Variants in PCSK5 observed in about 807,000 individuals in gnomAD.
The protein encoded by PCSK5 is proprotein convertase subtilisin/kexin type 5.
In PCSK5, 129 loss-of-function variants were observed where a neutral mutation model predicts 233.2. The ratio of observed to expected loss-of-function variants is 0.55; its 90% confidence interval spans 0.48 to 0.64. The LOEUF (loss-of-function observed/expected upper bound fraction) is 0.64, where lower values mean the gene tolerates loss of function less well. PCSK5 is among the 30% of genes least tolerant of loss of function. PCSK5 has a pLI of 0.00. For synonymous variants in PCSK5, 825 were observed against 879.2 expected, an observed-to-expected ratio of 0.94 and a Z score of 1.09; for missense variants, 2,076 against 2,430.1, an observed-to-expected ratio of 0.85 and a Z score of 3.06.
chr9:76,002,349 C>T (rs1234402690), intron 3 of PCSK5, among the ~76,000 whole-genome samples: 1 of 152,166 alleles, frequency 6.6e-6, no homozygotes, highest in Non-Finnish European at 1.5e-5. Context: ...TGAGAACAAA[C>T]ATATGTCATA....
intron 24 of PCSK5, among the ~76,000 whole-genome samples, chr9:76,283,394 T>G (rs1159958912): frequency 6.6e-6 from 1 of 152,206 alleles, no homozygotes; most frequent in Admixed American, 6.5e-5. Flanking sequence ...GCCATCAATA[T>G]CGAGGCAAGA....
At chr9:76,017,306 A>G (rs891978878) in intron 3 of PCSK5, among the ~76,000 whole-genome samples, 2 of 152,178 alleles carry the variant, frequency 1.3e-5, no homozygotes, top group Non-Finnish European at 2.9e-5. Flanking sequence ...TCTCCAGACA[A>G]TGAAGAAAAT....
At chr9:76,143,343 C>A (rs989056767) in intron 10 of PCSK5, among the ~76,000 whole-genome samples, 1 of 152,080 alleles carries the variant, frequency 6.6e-6, no homozygotes, top group Non-Finnish European at 1.5e-5. Flanking sequence ...CTACTTGAAT[C>A]CTGCAGTTAG....
At chr9:76,231,682 G>A (rs939526732) in intron 21 of PCSK5, among the ~76,000 whole-genome samples, 1 of 152,162 alleles carries the variant, frequency 6.6e-6, no homozygotes, top group African/African-American at 2.4e-5. Flanking sequence ...TTCTAGCTCA[G>A]TAACTGGTGC....
Position 75,916,775 on chromosome 9 carries a change from A to AT in PCSK5, c.193-15598dup, listed in dbSNP as rs998958564. ...ATAGGCCCTTGGGTCAAATAAAGGC[A>AT]TTTTTTATCTTAATTTAAAAGTAAC... On this transcript the variant is annotated intron_variant, in intron 1 of 37. Transcript: ENST00000674117. Among the ~76,000 whole-genome samples, 226 of 152,246 alleles carry AT rather than the reference A, an allele frequency of 1.5e-3. 2 individuals are homozygous for AT. The highest frequency in any genetic ancestry group is 1.0e-4 in the Non-Finnish European group (7 of 68,012).
chr9:75,900,135 C>G (rs1424588309), intron 1 of PCSK5, among the ~76,000 whole-genome samples: 1 of 152,114 alleles, frequency 6.6e-6, no homozygotes, highest in African/African-American at 2.4e-5. Context: ...CTCTTTCTTG[C>G]CAATGTGCTG....
intron 9 of PCSK5, among the ~76,000 whole-genome samples, chr9:76,133,252 A>G (rs1192062645): frequency 6.6e-6 from 1 of 152,124 alleles, no homozygotes; most frequent in African/African-American, 2.4e-5. Context: ...TTCAAGACTG[A>G]ATGAAATAAG....
At chr9:76,202,582 A>C (rs1172425526) in intron 20 of PCSK5, among the ~76,000 whole-genome samples, 1 of 152,006 alleles carries the variant, frequency 6.6e-6, no homozygotes, top group Non-Finnish European at 1.5e-5. Context: ...TTCCTGCCAC[A>C]TTTACTTTCC....
intron 35 of PCSK5, among the ~76,000 whole-genome samples, chr9:76,346,570 T>G (rs756457798): frequency 9.2e-5 from 14 of 152,108 alleles, no homozygotes; most frequent in African/African-American, 1.4e-4. Flanking sequence ...TTTTTTTAAT[T>G]TTAATTTTTT....
chr9:76,201,297 C>A (rs1246422148), intron 20 of PCSK5, among the ~76,000 whole-genome samples: 2 of 152,194 alleles, frequency 1.3e-5, no homozygotes, highest in African/African-American at 2.4e-5. Flanking sequence ...AAAACAGTAA[C>A]CCCCATATGC....
chr9:75,891,726 CAGAG>C (rs1278743611), intron 1 of PCSK5, among the ~76,000 whole-genome samples: 1 of 151,460 alleles, frequency 6.6e-6, no homozygotes, highest in Non-Finnish European at 1.5e-5. Flanking sequence ...GAGGCAGTCT[CAGAG>C]AGGGTGATCG....
At chr9:76,009,030 G>T (rs1827603961) in intron 3 of PCSK5, among the ~76,000 whole-genome samples, 1 of 152,064 alleles carries the variant, frequency 6.6e-6, no homozygotes, top group Non-Finnish European at 1.5e-5. Flanking sequence ...AATTTAACTG[G>T]AGCTCTTGTA....
At chr9:76,082,679 G>A (rs1284234883) in intron 7 of PCSK5, among the ~76,000 whole-genome samples, 4 of 151,726 alleles carry the variant, frequency 2.6e-5, no homozygotes, top group Non-Finnish European at 5.9e-5. Context: ...AAGACTTACT[G>A]TAGCACAATC....
At chr9:76,321,358 C>A in intron 30 of PCSK5, 64 bp from the exon 31 acceptor site, 1 of 881,850 alleles carries the variant, frequency 1.1e-6, no homozygotes, top group Non-Finnish European at 1.9e-6. Context: ...TTCCTTTTCC[C>A]CAGGAATGAG....
intron 2 of PCSK5, among the ~76,000 whole-genome samples, chr9:75,956,756 T>G (rs1317976919): frequency 6.6e-6 from 1 of 152,106 alleles, no homozygotes; most frequent in African/African-American, 2.4e-5. Flanking sequence ...AATAGATCCC[T>G]TATTTTCTTG....
intron 12 of PCSK5, among the ~76,000 whole-genome samples, chr9:76,168,403 C>A (rs1477865886): frequency 1.3e-5 from 2 of 152,196 alleles, no homozygotes; most frequent in Non-Finnish European, 2.9e-5. Context: ...CCACCTCAGC[C>A]TCTCAAAGTG....
intron 5 of PCSK5, among the ~76,000 whole-genome samples, chr9:76,062,388 G>A (rs1830060961): frequency 6.6e-6 from 1 of 152,102 alleles, no homozygotes; most frequent in Non-Finnish European, 1.5e-5. Flanking sequence ...GCCTGAAGAG[G>A]TTATTTACAA....
chr9:76,242,186 G>T (rs2036058), intron 24 of PCSK5, among the ~76,000 whole-genome samples: 57,034 of 151,960 alleles, frequency 0.38, 10,941 homozygotes, highest in Non-Finnish European at 0.41. Flanking sequence ...AGGGTAACTG[G>T]TATATCATCA....
intron 21 of PCSK5, among the ~76,000 whole-genome samples, chr9:76,227,973 C>CT (rs1303143941): frequency 0.017 from 2,366 of 142,658 alleles, 52 homozygotes; most frequent in East Asian, 0.059. Context: ...GTGAACTGTT[C>CT]TTTTTTTTTT....
Sources: allele counts gnomAD v4.1 joint callset (sites outside exome capture counted in the v4.1 genomes callset), GRCh38; gene constraint gnomAD v4.1.1; transcripts MANE v1.5; gene names NCBI Gene and HGNC (gene_info 2026-07-23, HGNC 2026-07-21).